Variants in ALX4 observed in about 807,000 individuals in gnomAD.
ALX4 encodes ALX homeobox 4.
Under a neutral mutation model 40.6 loss-of-function variants are expected in ALX4, and 22 were observed. The ratio of observed to expected loss-of-function variants is 0.54; its 90% CI spans 0.39 to 0.77. ALX4 has a LOEUF of 0.77. Among genes scored for constraint, ALX4 ranks in the 30% least tolerant of loss-of-function variants. The pLI is 0.00. For missense variants in ALX4, 556 were observed against 564.8 expected, an observed-to-expected ratio of 0.98 and a Z score of 0.16; for synonymous variants, 266 against 240.5, an observed-to-expected ratio of 1.11 and a Z score of -0.98.
In ALX4 at chr11:44,281,441, G is replaced by A. The variant is rs567817826; in HGVS notation, c.467-5783C>T. Among the ~76,000 whole-genome samples the A allele has an allele frequency of 9.7e-4, 148 of 152,126 alleles. 2 individuals carry two copies. Among genetic ancestry groups the A allele is most frequent in the Non-Finnish European group, 1.3e-4 (9 of 67,984 alleles). On this transcript the variant is annotated intron_variant, in intron 1 of 3. Coordinates refer to ENST00000652299, the MANE Select transcript of ALX4 (RefSeq NM_021926.4). ...CCGTGCACAGGCCCATGCATATGGC[G>A]CTAAGGGGTCTCAGTCATTTTATCC... is the stretch of plus-strand genomic sequence containing the variant.
At chr11:44,292,302 C>T (rs1225993268) in intron 1 of ALX4, among the ~76,000 whole-genome samples, 1 of 151,488 alleles carries the variant, frequency 6.6e-6, no homozygotes, top group East Asian at 1.9e-4. Context: ...ACCTCCTGGG[C>T]TCAAGCAATC....
intron 1 of ALX4, among the ~76,000 whole-genome samples, chr11:44,299,636 G>A (rs149396703): frequency 4.6e-5 from 7 of 152,078 alleles, no homozygotes; most frequent in African/African-American, 1.4e-4. Flanking sequence ...CTGGGATTAC[G>A]GGCATGAGCC....
At chr11:44,293,386 C>G (rs1180485065) in intron 1 of ALX4, among the ~76,000 whole-genome samples, 2 of 149,278 alleles carry the variant, frequency 1.3e-5, no homozygotes, top group Non-Finnish European at 3.0e-5. Flanking sequence ...CGAGACCAGC[C>G]TGGCCAACAT....
Position 44,264,701 on chromosome 11 carries a change from G to A in ALX4, c.*153C>T, listed in dbSNP as rs1228710009. ...CCCCCTCCCTCCCAGCAGTCCACGGGGCCTCAGACTTGGGGCGGCTGAAAG... is the reference window on the plus strand; with the variant it reads ...CCCCCTCCCTCCCAGCAGTCCACGGAGCCTCAGACTTGGGGCGGCTGAAAG... On this transcript the variant is annotated 3_prime_UTR_variant, in exon 4 of 4. Coordinates refer to ENST00000652299, the MANE Select transcript of ALX4 (RefSeq NM_021926.4). 3 of 823,742 alleles carry A rather than the reference G, an allele frequency of 3.6e-6. No individual in the cohort carries two copies. The highest frequency in any genetic ancestry group is 2.7e-5 in the East Asian group (1 of 37,316). The allele number at this position is 823,742 out of a possible 1,614,324, so 51.0% of individuals were successfully genotyped here.
intron 1 of ALX4, among the ~76,000 whole-genome samples, chr11:44,301,974 G>A (rs1041358030): frequency 7.2e-5 from 11 of 152,154 alleles, no homozygotes; most frequent in East Asian, 1.9e-4. Context: ...AGGATGACGC[G>A]GGGGGTGGTT....
chr11:44,290,467 C>T (rs538064596), intron 1 of ALX4, among the ~76,000 whole-genome samples: 2 of 152,350 alleles, frequency 1.3e-5, no homozygotes, highest in African/African-American at 4.8e-5. Context: ...ACAGTCCCTT[C>T]CTTCAAATGG....
chr11:44,285,219 C>A (rs982390903), intron 1 of ALX4, among the ~76,000 whole-genome samples: 1 of 152,198 alleles, frequency 6.6e-6, no homozygotes. Context: ...CCTTCCTGGG[C>A]CTCCCAAAGT....
Position 44,296,907 on chromosome 11 carries a change from G to A in ALX4, c.466+12690C>T, listed in dbSNP as rs543208655. On this transcript the variant is annotated intron_variant, in intron 1 of 3. Coordinates refer to ENST00000652299, the MANE Select transcript of ALX4 (RefSeq NM_021926.4). ...GCCTGTAATCCCAGCTACTTGGGAGGCTGAGGCAAGAGAATCGCTTGAACC... is the reference window on the plus strand; with the variant it reads ...GCCTGTAATCCCAGCTACTTGGGAGACTGAGGCAAGAGAATCGCTTGAACC... Among the ~76,000 whole-genome samples the A allele has an allele frequency of 6.6e-4, 101 of 152,028 alleles. 1 individual carries two copies. The highest frequency in any genetic ancestry group is 2.1e-3 in the African/African-American group (89 of 41,466).
chr11:44,277,148 G>A (rs1956282733), intron 1 of ALX4, among the ~76,000 whole-genome samples: 1 of 152,190 alleles, frequency 6.6e-6, no homozygotes, highest in South Asian at 2.1e-4. Flanking sequence ...GTAGCTGTGG[G>A]AAATAAAGAG....
chr11:44,277,336 C>A (rs902814255), intron 1 of ALX4, among the ~76,000 whole-genome samples: 1 of 152,206 alleles, frequency 6.6e-6, no homozygotes, highest in African/African-American at 2.4e-5. Context: ...TAGGGAAGGG[C>A]AGCCAACTGG....
At chr11:44,279,889 AGG>A (rs1956298997) in intron 1 of ALX4, among the ~76,000 whole-genome samples, 2 of 152,236 alleles carry the variant, frequency 1.3e-5, no homozygotes, top group Non-Finnish European at 2.9e-5. Flanking sequence ...AGGATAGGTC[AGG>A]TGGCAGAGAT....
At chr11:44,289,299 C>G (rs1565006107) in intron 1 of ALX4, among the ~76,000 whole-genome samples, 1 of 152,156 alleles carries the variant, frequency 6.6e-6, no homozygotes, top group East Asian at 1.9e-4. Flanking sequence ...GGGCAAATCC[C>G]AAATTACCAA....
At position 44,287,830 on chromosome 11, in the gene ALX4, C is replaced by G. The variant is rs377144113; in HGVS notation, c.467-12172G>C. Reference sequence around the variant, plus strand: ...CCCCTTGCAACAACCTTCAAGGCTGCCCCTGATCAAACTGCTCTGCTGAAG... The same window carrying G: ...CCCCTTGCAACAACCTTCAAGGCTGGCCCTGATCAAACTGCTCTGCTGAAG... On this transcript the variant is annotated intron_variant, in intron 1 of 3. Coordinates refer to ENST00000652299, the MANE Select transcript of ALX4 (RefSeq NM_021926.4). Among the ~76,000 whole-genome samples the G allele has an allele frequency of 2.3e-4, 35 of 152,250 alleles. 1 individual carries two copies. The East Asian group carries it at 3.7e-3, about 16-fold the overall frequency.
chr11:44,304,544 A>T (rs1956455139), intron 1 of ALX4, among the ~76,000 whole-genome samples: 1 of 151,948 alleles, frequency 6.6e-6, no homozygotes, highest in South Asian at 2.1e-4. Context: ...GGCTCCGGGC[A>T]ACTATCCCCC....
intron 1 of ALX4, among the ~76,000 whole-genome samples, chr11:44,282,984 C>T (rs1337876031): frequency 6.6e-6 from 1 of 152,186 alleles, no homozygotes; most frequent in Non-Finnish European, 1.5e-5. Context: ...TGGCTTGCGC[C>T]TGTAATCTTA....
In ALX4 at chr11:44,309,992, A is replaced by G; in HGVS notation, c.71T>C (p.Val24Ala). ...CGACGAGCCCTCCCGACTCTGCGAC[A>G]CCGGGCTGTAGTAGGCGTCCATGGC... ...AAAMDAYYSP[V>A]SQSREGSSPF... Residue 24 changes from valine (V) to alanine (A), a missense_variant, in exon 1 of 4, where the codon GTG becomes GCG. Coordinates refer to ENST00000652299, the MANE Select transcript of ALX4 (RefSeq NM_021926.4). 1 of 1,602,096 alleles carries G rather than the reference A, an allele frequency of 6.2e-7. No individual in the cohort carries two copies. Among genetic ancestry groups the G allele is most frequent in the South Asian group, 1.1e-5 (1 of 88,742 alleles).
chr11:44,293,138 A>G (rs1404623453), intron 1 of ALX4, among the ~76,000 whole-genome samples: 1 of 65,106 alleles, frequency 1.5e-5, no homozygotes, highest in African/African-American at 5.9e-5. Flanking sequence ...GAAGGAAGGA[A>G]GGAAGGAAGG....
intron 1 of ALX4, among the ~76,000 whole-genome samples, chr11:44,281,581 A>G (rs1301908033): frequency 1.3e-5 from 2 of 151,756 alleles, no homozygotes; most frequent in Non-Finnish European, 2.9e-5. Context: ...GAGTGCACAC[A>G]CCGATGTAAT....
intron 1 of ALX4, among the ~76,000 whole-genome samples, chr11:44,305,603 C>T (rs1447888366): frequency 6.6e-6 from 1 of 152,206 alleles, no homozygotes; most frequent in Admixed American, 6.5e-5. Flanking sequence ...AATACGACCC[C>T]GGCAGAATTT....
Sources: allele counts gnomAD v4.1 joint callset (sites outside exome capture counted in the v4.1 genomes callset), GRCh38; gene constraint gnomAD v4.1.1; transcripts MANE v1.5; gene names NCBI Gene and HGNC (gene_info 2026-07-23, HGNC 2026-07-21).